ATP1B3: variants seen among roughly 807,000 people sequenced by gnomAD.
ATP1B3 encodes the protein sodium/potassium-transporting ATPase subunit beta-3.
A neutral mutation model predicts 30.2 loss-of-function variants in ATP1B3; 10 were observed. That is an observed-to-expected ratio of 0.33 (90% CI 0.20 to 0.56). The LOEUF (loss-of-function observed/expected upper bound fraction) is 0.56. Among genes scored for constraint, ATP1B3 ranks in the 20% least tolerant of loss-of-function variants. The pLI is 0.90. For missense variants in ATP1B3, 238 were observed against 336.7 expected, an observed-to-expected ratio of 0.71 and a Z score of 2.29; for synonymous variants, 113 against 117.0, an observed-to-expected ratio of 0.97 and a Z score of 0.22.
intron 1 of ATP1B3, among the ~76,000 whole-genome samples, chr3:141,897,711 G>A (rs1934094486): frequency 6.6e-6 from 1 of 152,028 alleles, no homozygotes; most frequent in Non-Finnish European, 1.5e-5. Context: ...TTTTGTTTTT[G>A]TTTTTTGTTT....
At chr3:141,901,228 C>T (rs1263427357) in intron 1 of ATP1B3, among the ~76,000 whole-genome samples, 12 of 152,198 alleles carry the variant, frequency 7.9e-5, no homozygotes, top group Admixed American at 7.9e-4. Context: ...GGGCATGGCA[C>T]ATTGAATAGG....
At position 141,903,669 on chromosome 3, in the gene ATP1B3, C is replaced by A. The variant is rs1279791269; in HGVS notation, c.159C>A (p.Leu53=). The change falls in exon 2 of 7, where the codon CTC becomes CTA. Residue 53 remains leucine (L), a synonymous_variant. Coordinates refer to ENST00000286371, the MANE Select transcript of ATP1B3 (RefSeq NM_001679.4). ...TTTTTTATGGGTTCCTGGCTGCACT[C>A]TTCTCATTCACGATGTGGGTTATGC... The part of the protein sequence containing the change: ...YLVFYGFLAA[L]FSFTMWVMLQ... 6 of 1,614,058 alleles carry A rather than the reference C, an allele frequency of 3.7e-6. No individual in the cohort carries two copies. In the East Asian group the frequency reaches 1.3e-4, roughly 36 times the overall value.
chr3:141,900,047 TTTTG>T (rs1356055223), intron 1 of ATP1B3, among the ~76,000 whole-genome samples: 1 of 151,998 alleles, frequency 6.6e-6, no homozygotes, highest in Non-Finnish European at 1.5e-5. Context: ...AAAATTTTTT[TTTTG>T]TTTGATGTTT....
At chr3:141,892,102 A>G (rs543190550) in intron 1 of ATP1B3, among the ~76,000 whole-genome samples, 2 of 152,168 alleles carry the variant, frequency 1.3e-5, no homozygotes, top group East Asian at 1.9e-4. Context: ...CTGGAGAGGT[A>G]TGTTAACATC....
At chr3:141,923,620 T>C (rs144015837) in intron 6 of ATP1B3, among the ~76,000 whole-genome samples, 2 of 152,392 alleles carry the variant, frequency 1.3e-5, no homozygotes, top group East Asian at 1.9e-4. Context: ...AGTGCTCTTA[T>C]GAATCTGTAG....
intron 1 of ATP1B3, among the ~76,000 whole-genome samples, chr3:141,890,478 T>G (rs1351688248): frequency 3.3e-5 from 5 of 151,788 alleles, no homozygotes; most frequent in African/African-American, 1.2e-4. Flanking sequence ...GATTTTTGTA[T>G]TTTTAGTAGA....
chr3:141,919,525 A>G (rs1934528963), intron 5 of ATP1B3, among the ~76,000 whole-genome samples: 1 of 152,248 alleles, frequency 6.6e-6, no homozygotes, highest in South Asian at 2.1e-4. Context: ...AAAATGAATC[A>G]TACTAAGAAA....
intron 1 of ATP1B3, among the ~76,000 whole-genome samples, chr3:141,894,513 T>C (rs1380505305): frequency 1.3e-5 from 2 of 152,234 alleles, no homozygotes; most frequent in Admixed American, 6.5e-5. Flanking sequence ...ATTGTACAGC[T>C]GCATAAAAAT....
At chr3:141,920,220 C>A (rs1934542923) in intron 5 of ATP1B3, among the ~76,000 whole-genome samples, 1 of 152,100 alleles carries the variant, frequency 6.6e-6, no homozygotes, top group African/African-American at 2.4e-5. Context: ...ATGCTGTCCA[C>A]TAAGGCTTGT....
intron 2 of ATP1B3, among the ~76,000 whole-genome samples, chr3:141,906,129 T>A (rs1235952751): frequency 1.3e-5 from 2 of 151,874 alleles, no homozygotes; most frequent in Non-Finnish European, 2.9e-5. Context: ...CTAGAGAAAA[T>A]TTTAGGATTG....
intron 1 of ATP1B3, among the ~76,000 whole-genome samples, chr3:141,888,138 A>G (rs568569879): frequency 6.6e-6 from 1 of 152,390 alleles, no homozygotes; most frequent in East Asian, 1.9e-4. Context: ...TGAGATAAAT[A>G]CAGTAAAATG....
intron 3 of ATP1B3, among the ~76,000 whole-genome samples, chr3:141,909,971 T>G (rs1051657221): frequency 4.6e-5 from 7 of 152,164 alleles, no homozygotes; most frequent in Non-Finnish European, 1.0e-4. Flanking sequence ...GACACATTTC[T>G]TTTTTCTTTC....
chr3:141,907,005 G>C (rs1259194760), intron 2 of ATP1B3, among the ~76,000 whole-genome samples, 162 bp from the exon 3 acceptor site: 6 of 152,182 alleles, frequency 3.9e-5, no homozygotes, highest in Non-Finnish European at 7.3e-5. Flanking sequence ...TTTAATTTTA[G>C]ATGTCTATGC....
intron 3 of ATP1B3, among the ~76,000 whole-genome samples, chr3:141,909,187 TAA>T (rs1576397545): frequency 6.6e-6 from 1 of 152,230 alleles, no homozygotes; most frequent in East Asian, 1.9e-4. Flanking sequence ...ACTCATTATT[TAA>T]AAAAGACTTT....
intron 1 of ATP1B3, among the ~76,000 whole-genome samples, chr3:141,883,128 A>AT (rs1933762735): frequency 6.6e-6 from 1 of 151,964 alleles, no homozygotes; most frequent in Non-Finnish European, 1.5e-5. Context: ...CCCTTATTCC[A>AT]TGTTGGTCTG....
At chr3:141,878,854 G>A (rs911080506) in intron 1 of ATP1B3, among the ~76,000 whole-genome samples, 2 of 152,150 alleles carry the variant, frequency 1.3e-5, no homozygotes, top group Non-Finnish European at 2.9e-5. Context: ...CCCAATGTAA[G>A]GGTATCCCTC....
In ATP1B3 at chr3:141,925,714, A is replaced by G. The variant is rs922204724; in HGVS notation, c.*13A>G. ...AGCACGTGCATAGTATGAGTAGGAT[A>G]TCTCCACAGAGTAAATGTTGTGTTG... On this transcript the variant is annotated 3_prime_UTR_variant, in exon 7 of 7. Coordinates refer to ENST00000286371, the MANE Select transcript of ATP1B3 (RefSeq NM_001679.4). 1.2e-6 allele frequency: 2 copies of G among 1,605,312 alleles called. No individual in the cohort carries two copies. The highest frequency in any genetic ancestry group is 1.7e-5 in the Admixed American group (1 of 59,348).
Position 141,925,547 on chromosome 3 carries a change from C to T in ATP1B3, c.686C>T (p.Pro229Leu). Residue 229 changes from proline to leucine, a missense_variant, in exon 7 of 7, where the codon CCA becomes CTA. Coordinates refer to ENST00000286371, the MANE Select transcript of ATP1B3 (RefSeq NM_001679.4). ...GKKLHVGYLQPLVAVQVSFAP... is the reference protein window; with the variant it reads ...GKKLHVGYLQLLVAVQVSFAP... ...TATTGCCAGGTTGGGTATCTACAGCCATTGGTTGCTGTTCAGGTCAGCTTT... is the reference window on the plus strand; with the variant it reads ...TATTGCCAGGTTGGGTATCTACAGCTATTGGTTGCTGTTCAGGTCAGCTTT... 2 of 1,608,076 alleles carry T rather than the reference C, an allele frequency of 1.2e-6. No individual in the cohort carries two copies. The highest frequency in any genetic ancestry group is 1.7e-6 in the Non-Finnish European group (2 of 1,178,082).
intron 2 of ATP1B3, 150 bp downstream of exon 2, chr3:141,903,898 C>T: frequency 2.3e-6 from 2 of 877,632 alleles, no homozygotes; most frequent in East Asian, 3.0e-5. Context: ...TCTCCTGCCT[C>T]CTCAGCCTGC....
Sources: gnomAD v4.1 joint callset for allele counts (sites outside exome capture counted in the v4.1 genomes callset) on GRCh38, gnomAD v4.1.1 for gene constraint, MANE v1.5 for transcripts, NCBI Gene and HGNC (gene_info 2026-07-23, HGNC 2026-07-21) for gene names.